The following RABGAP1L variants were observed in gnomAD, a reference collection of about 807,000 sequenced individuals.
RABGAP1L encodes the protein rab GTPase-activating protein 1-like.
In RABGAP1L, 63 loss-of-function variants were observed where a neutral mutation model predicts 137.7. That is an observed-to-expected ratio of 0.46 (90% CI 0.37 to 0.56). The LOEUF is 0.56. Among genes scored for constraint, RABGAP1L ranks in the 20% least tolerant of loss-of-function variants. RABGAP1L has a pLI of 0.00. For synonymous variants in RABGAP1L, 431 were observed against 433.7 expected (o/e 0.99, Z 0.08); for missense variants, 1,095 against 1,244.0 (o/e 0.88, Z 1.80).
Position 174,449,546 on chromosome 1 carries a change from G to A in RABGAP1L, c.1710+55401G>A, listed in dbSNP as rs147088925. 6.8e-4 allele frequency among the ~76,000 whole-genome samples: 103 copies of A among 152,252 alleles called. 1 individual carries two copies. Among genetic ancestry groups the A allele is most frequent in the African/African-American group, 2.3e-3 (95 of 41,552 alleles). Reference sequence around the variant, plus strand: ...TTCTGTCTGACTGTACCCTGCCTCTGTCTTTCTCATTTTGTCTATGTTTCT... The same window carrying A: ...TTCTGTCTGACTGTACCCTGCCTCTATCTTTCTCATTTTGTCTATGTTTCT... On this transcript the variant is annotated intron_variant, in intron 13 of 25. Coordinates refer to ENST00000681986, the MANE Select transcript of RABGAP1L (RefSeq NM_001366446.1).
rs144433289 is a variant in RABGAP1L at position 174,807,978 on chromosome 1, C to CTT, written c.2212-3837_2212-3836dup. ...ACAACAACAACAACAACAACAAATT[C>CTT]TTTTTTTTTTTTTTTTTTGAGATGG... On this transcript the variant is annotated intron_variant, in intron 18 of 25. Coordinates refer to ENST00000681986, the MANE Select transcript of RABGAP1L (RefSeq NM_001366446.1). 7.5e-4 allele frequency among the ~76,000 whole-genome samples: 71 copies of CTT among 94,596 alleles called. 1 individual carries two copies. Among genetic ancestry groups the CTT allele is most frequent in the African/African-American group, 1.8e-3 (53 of 29,936 alleles). 62.1% of individuals were successfully genotyped at this position (94,596 alleles called of 152,430 possible).
At chr1:174,458,003 A>G (rs113751581) in intron 13 of RABGAP1L, among the ~76,000 whole-genome samples, 13 of 152,236 alleles carry the variant, frequency 8.5e-5, no homozygotes, top group South Asian at 2.1e-4. Context: ...TCAGGTTGCT[A>G]TTGTGTGCCA....
chr1:174,288,407 C>G (rs1676264235), intron 10 of RABGAP1L, among the ~76,000 whole-genome samples: 1 of 152,140 alleles, frequency 6.6e-6, no homozygotes, highest in African/African-American at 2.4e-5. Context: ...ATGATGAACT[C>G]CTTTAGTTTT....
intron 17 of RABGAP1L, among the ~76,000 whole-genome samples, chr1:174,715,999 T>C (rs1204702122): frequency 1.3e-5 from 2 of 152,240 alleles, no homozygotes; most frequent in East Asian, 1.9e-4. Flanking sequence ...CTGTATAAAA[T>C]GGCATAATAT....
chr1:174,829,043 A>T (rs916072616), intron 19 of RABGAP1L, among the ~76,000 whole-genome samples: 10 of 148,030 alleles, frequency 6.8e-5, no homozygotes, highest in Non-Finnish European at 1.5e-4. Context: ...GTCCATAATT[A>T]GTGTACAACC....
At chr1:174,316,260 G>A (rs1209941021) in intron 11 of RABGAP1L, among the ~76,000 whole-genome samples, 1 of 152,118 alleles carries the variant, frequency 6.6e-6, no homozygotes, top group African/African-American at 2.4e-5. Flanking sequence ...GAGTTCATTT[G>A]GTGAGGTCAT....
At chr1:174,960,846 A>G (rs1669027901) in intron 20 of RABGAP1L, among the ~76,000 whole-genome samples, 1 of 152,210 alleles carries the variant, frequency 6.6e-6, no homozygotes, top group East Asian at 1.9e-4. Flanking sequence ...ATTAATTTTT[A>G]GTGATGCCCA....
At chr1:174,550,428 A>G (rs1312350011) in intron 13 of RABGAP1L, among the ~76,000 whole-genome samples, 1 of 152,186 alleles carries the variant, frequency 6.6e-6, no homozygotes, top group Non-Finnish European at 1.5e-5. Context: ...CGAGTCAACA[A>G]CAGCCTTACT....
intron 13 of RABGAP1L, among the ~76,000 whole-genome samples, chr1:174,617,267 C>G (rs906832367): frequency 2.0e-5 from 3 of 152,172 alleles, no homozygotes; most frequent in African/African-American, 7.2e-5. Flanking sequence ...ATTATGCCTA[C>G]TTCTGGAGGA....
intron 11 of RABGAP1L, among the ~76,000 whole-genome samples, chr1:174,325,593 T>C (rs1680367452): frequency 6.6e-6 from 1 of 152,192 alleles, no homozygotes; most frequent in African/African-American, 2.4e-5. Flanking sequence ...CACGTGGAAG[T>C]TTCTCCTGGA....
In RABGAP1L at chr1:174,271,878, C is replaced by CT. The variant is rs949457813; in HGVS notation, c.987-525dup. On this transcript the variant is annotated intron_variant, in intron 7 of 25. Transcript: ENST00000681986. ...CCATTTAGTAATAAAGTTTGCATAA[C>CT]TTTTTTTTTTTAAAACTGAGGATAT... is the stretch of plus-strand genomic sequence containing the variant. Among the ~76,000 whole-genome samples the CT allele has an allele frequency of 1.0e-3, 147 of 147,658 alleles. 2 individuals carry two copies. Among genetic ancestry groups the CT allele is most frequent in the Middle Eastern group, 3.4e-3 (1 of 292 alleles).
chr1:174,162,964 T>TAG, intron 1 of RABGAP1L, among the ~76,000 whole-genome samples: 1 of 134,274 alleles, frequency 7.4e-6, no homozygotes, highest in East Asian at 2.7e-4. Context: ...GGGGGAGGGA[T>TAG]AGCATTGGGA....
intron 13 of RABGAP1L, among the ~76,000 whole-genome samples, chr1:174,475,490 G>A (rs1658403052): frequency 1.3e-5 from 2 of 151,962 alleles, no homozygotes; most frequent in Non-Finnish European, 2.9e-5. Flanking sequence ...AAAATATTTT[G>A]TAGTGCTGTA....
At chr1:174,359,496 A>C in intron 11 of RABGAP1L, among the ~76,000 whole-genome samples, 1 of 152,110 alleles carries the variant, frequency 6.6e-6, no homozygotes, top group African/African-American at 2.4e-5. Flanking sequence ...TACCCCTTGA[A>C]GTCTCTCAAT....
chr1:174,857,582 T>C, intron 19 of RABGAP1L, among the ~76,000 whole-genome samples: 1 of 152,154 alleles, frequency 6.6e-6, no homozygotes. Context: ...TGGATTGGAA[T>C]ACATAAGAAT....
At chr1:174,220,422 C>T (rs2148467550) in intron 2 of RABGAP1L, among the ~76,000 whole-genome samples, 1 of 152,246 alleles carries the variant, frequency 6.6e-6, no homozygotes, top group South Asian at 2.1e-4. Flanking sequence ...ACTCCCAGCA[C>T]TTTGGGAGGC....
intron 17 of RABGAP1L, among the ~76,000 whole-genome samples, chr1:174,725,053 T>C (rs930743915): frequency 6.6e-6 from 1 of 152,080 alleles, no homozygotes; most frequent in Non-Finnish European, 1.5e-5. Context: ...GAGGAGGACA[T>C]GGGATTTCAT....
chr1:174,613,311 T>C (rs1180177551), intron 13 of RABGAP1L, among the ~76,000 whole-genome samples: 6 of 152,242 alleles, frequency 3.9e-5, no homozygotes, highest in Admixed American at 2.0e-4. Context: ...CATTTTGTTA[T>C]GTACCCAGTA....
chr1:174,475,070 T>TG (rs1658362982), intron 13 of RABGAP1L, among the ~76,000 whole-genome samples: 1 of 152,140 alleles, frequency 6.6e-6, no homozygotes, highest in Non-Finnish European at 1.5e-5. Flanking sequence ...AATATTTAAA[T>TG]GATAGCTGAT....
Sources: gnomAD v4.1 joint callset for allele counts (sites outside exome capture counted in the v4.1 genomes callset) on GRCh38, gnomAD v4.1.1 for gene constraint, MANE v1.5 for transcripts, NCBI Gene and HGNC (gene_info 2026-07-23, HGNC 2026-07-21) for gene names.